DNAJC6: variants seen among roughly 807,000 people sequenced by gnomAD.
DNAJC6 encodes DnaJ heat shock protein family (Hsp40) member C6, also known as auxilin.
Under a neutral mutation model 110.0 loss-of-function variants are expected in DNAJC6, and 34 were observed. The ratio of observed to expected loss-of-function variants is 0.31; its 90% confidence interval spans 0.24 to 0.41. DNAJC6 has a LOEUF of 0.41. Ranked by LOEUF, DNAJC6 falls within the 10% of genes least tolerant of loss-of-function variation. The probability of loss-of-function intolerance (pLI) is 1.00; values close to 1 mark genes in which losing one functional copy is unlikely to be tolerated. For synonymous variants in DNAJC6, 406 were observed against 437.2 expected (o/e 0.93, Z 0.89); for missense variants, 1,031 against 1,207.8 (o/e 0.85, Z 2.17).
chr1:65,343,751 A>G (rs1187536825), intron 1 of DNAJC6, among the ~76,000 whole-genome samples: 1 of 152,016 alleles, frequency 6.6e-6, no homozygotes, highest in East Asian at 1.9e-4. Context: ...ATAAAAAAAA[A>G]GGAAAAAAAA....
At chr1:65,400,248 T>G (rs921432195) in intron 14 of DNAJC6, among the ~76,000 whole-genome samples, 4 of 152,234 alleles carry the variant, frequency 2.6e-5, no homozygotes, top group Non-Finnish European at 4.4e-5. Context: ...TATGATGTTT[T>G]GAAGTACACA....
chr1:65,275,929 C>T (rs1297959552), intron 1 of DNAJC6, among the ~76,000 whole-genome samples: 2 of 150,502 alleles, frequency 1.3e-5, no homozygotes, highest in African/African-American at 4.9e-5. Flanking sequence ...CAGAGTCTCC[C>T]TCTGTTGCCC....
At chr1:65,386,748 T>A (rs1257168886) in intron 7 of DNAJC6, 64 bp from the exon 8 acceptor site, 2 of 1,356,086 alleles carry the variant, frequency 1.5e-6, no homozygotes, top group African/African-American at 2.9e-5. Flanking sequence ...GAACTATACC[T>A]GTGTCTGTGT....
intron 12 of DNAJC6, among the ~76,000 whole-genome samples, chr1:65,393,264 C>G (rs1645946627): frequency 6.6e-6 from 1 of 152,108 alleles, no homozygotes. Flanking sequence ...CTTACAGAAA[C>G]TCAATAAATA....
At chr1:65,270,949 G>A (rs1204477787) in intron 1 of DNAJC6, among the ~76,000 whole-genome samples, 1 of 152,142 alleles carries the variant, frequency 6.6e-6, no homozygotes, top group Non-Finnish European at 1.5e-5. Flanking sequence ...AAAGTGCTGG[G>A]ATTACAGGTG....
At position 65,388,389 on chromosome 1, in the gene DNAJC6, G is replaced by A; in HGVS notation, c.1167G>A (p.Leu389=). ...QLQFHTGFIP[L]DTTVLKFTKP... ...AGTTTCACACTGGATTCATACCACTGGACACAACAGTTTTAAAGTTCACCA... is the reference window on the plus strand; with the variant it reads ...AGTTTCACACTGGATTCATACCACTAGACACAACAGTTTTAAAGTTCACCA... The change falls in exon 9 of 19, where the codon CTG becomes CTA. Residue 389 remains leucine (L), a synonymous_variant. Transcript: ENST00000371069. 6.2e-7 allele frequency: 1 copy of A among 1,614,004 alleles called. No individual in the cohort carries two copies.
At chr1:65,273,548 A>G (rs899055512) in intron 1 of DNAJC6, among the ~76,000 whole-genome samples, 6 of 151,624 alleles carry the variant, frequency 4.0e-5, no homozygotes, top group African/African-American at 1.5e-4. Flanking sequence ...GTGAGCCGAG[A>G]TCACACCACT....
intron 1 of DNAJC6, among the ~76,000 whole-genome samples, chr1:65,315,703 G>A (rs1570268095): frequency 6.6e-6 from 1 of 152,252 alleles, no homozygotes; most frequent in East Asian, 1.9e-4. Context: ...AATCCTATAA[G>A]GTAAATGATA....
chr1:65,407,995 A>G (rs948820900), intron 16 of DNAJC6, among the ~76,000 whole-genome samples: 3 of 152,226 alleles, frequency 2.0e-5, no homozygotes, highest in African/African-American at 7.2e-5. Flanking sequence ...AAACAAGTCC[A>G]TAAGGTGAGT....
Position 65,380,911 on chromosome 1 carries a change from G to GTTTTTTTTTTTTTTT in DNAJC6, c.666+1391_666+1392insTTTTTTTTTTTTTTT, listed in dbSNP as rs1312055301. On this transcript the variant is annotated intron_variant, in intron 5 of 18. Coordinates refer to ENST00000371069, the MANE Select transcript of DNAJC6 (RefSeq NM_001256864.2). ...GGGAGTTTTTTTTTTTTTGTTTTTT[G>GTTTTTTTTTTTTTTT]TTTTGTTTTGTTTTTTTTTTTTTTT... 4.4e-4 allele frequency among the ~76,000 whole-genome samples: 51 copies of GTTTTTTTTTTTTTTT among 114,894 alleles called. 5 individuals are homozygous for GTTTTTTTTTTTTTTT. The highest frequency in any genetic ancestry group is 4.9e-3 in the Middle Eastern group (1 of 204). The allele number at this position is 114,894 out of a possible 152,430, so 75.4% of individuals were successfully genotyped here.
chr1:65,415,556 G>T lies in DNAJC6; in HGVS notation c.*2531G>T, dbSNP rs970181101. 3 of 151,702 alleles carry T rather than the reference G, an allele frequency of 2.0e-5. No homozygotes were observed. Among genetic ancestry groups the T allele is most frequent in the African/African-American group, 7.3e-5 (3 of 41,258 alleles). The allele number at this position is 151,702 out of a possible 1,614,324, so 9.4% of individuals were successfully genotyped here. ...AAAAAGAATTAGCATAGAAATCCTGGTCTCCTAGCCAAAAAAATCAAAGGA... is the reference window on the plus strand; with the variant it reads ...AAAAAGAATTAGCATAGAAATCCTGTTCTCCTAGCCAAAAAAATCAAAGGA... On this transcript the variant is annotated 3_prime_UTR_variant, in exon 19 of 19. Transcript: ENST00000371069.
intron 1 of DNAJC6, among the ~76,000 whole-genome samples, chr1:65,267,053 C>T (rs564594216): frequency 1.6e-4 from 24 of 152,184 alleles, no homozygotes; most frequent in East Asian, 1.5e-3. Context: ...CATGCCACCA[C>T]GCCCGGTTAA....
At chr1:65,267,143 C>T (rs1468784110) in intron 1 of DNAJC6, among the ~76,000 whole-genome samples, 2 of 152,046 alleles carry the variant, frequency 1.3e-5, no homozygotes, top group African/African-American at 2.4e-5. Flanking sequence ...GTGATCCACC[C>T]GCCTCGGCCT....
chr1:65,303,653 G>A (rs1645011221), intron 1 of DNAJC6, among the ~76,000 whole-genome samples: 1 of 152,050 alleles, frequency 6.6e-6, no homozygotes, highest in South Asian at 2.1e-4. Context: ...CTGCCTCCCA[G>A]GTTCAAGTGA....
rs1312055301 is a variant in DNAJC6, at chr1:65,380,911, G to GTTTTTTTTTTTTTTTTTTTTTTTTTTT, written c.666+1391_666+1392insTTTTTTTTTTTTTTTTTTTTTTTTTTT. Among the ~76,000 whole-genome samples, 21 of 114,898 alleles carry GTTTTTTTTTTTTTTTTTTTTTTTTTTT rather than the reference G, an allele frequency of 1.8e-4. 3 individuals are homozygous for GTTTTTTTTTTTTTTTTTTTTTTTTTTT. Among genetic ancestry groups the GTTTTTTTTTTTTTTTTTTTTTTTTTTT allele is most frequent in the African/African-American group, 8.2e-4 (19 of 23,298 alleles). The allele number at this position is 114,898 out of a possible 152,430, so 75.4% of individuals were successfully genotyped here. ...GGGAGTTTTTTTTTTTTTGTTTTTT[G>GTTTTTTTTTTTTTTTTTTTTTTTTTTT]TTTTGTTTTGTTTTTTTTTTTTTTT... On this transcript the variant is annotated intron_variant, in intron 5 of 18. Coordinates refer to ENST00000371069, the MANE Select transcript of DNAJC6 (RefSeq NM_001256864.2).
At chr1:65,287,517 G>A (rs1239561985) in intron 1 of DNAJC6, among the ~76,000 whole-genome samples, 1 of 152,066 alleles carries the variant, frequency 6.6e-6, no homozygotes, top group Non-Finnish European at 1.5e-5. Context: ...TTGGAGACTA[G>A]GTCCATTTTA....
In DNAJC6 at chr1:65,380,911, G is replaced by GTTTTTTTTTTTTTTTTTTT. The variant is rs1312055301; in HGVS notation, c.666+1391_666+1392insTTTTTTTTTTTTTTTTTTT. ...GGGAGTTTTTTTTTTTTTGTTTTTT[G>GTTTTTTTTTTTTTTTTTTT]TTTTGTTTTGTTTTTTTTTTTTTTT... On this transcript the variant is annotated intron_variant, in intron 5 of 18. Coordinates refer to ENST00000371069, the MANE Select transcript of DNAJC6 (RefSeq NM_001256864.2). Among the ~76,000 whole-genome samples the GTTTTTTTTTTTTTTTTTTT allele has an allele frequency of 1.1e-3, 121 of 114,884 alleles. 24 individuals are homozygous for GTTTTTTTTTTTTTTTTTTT. The highest frequency in any genetic ancestry group is 4.9e-3 in the African/African-American group (114 of 23,284). The allele number at this position is 114,884 out of a possible 152,430, so 75.4% of individuals were successfully genotyped here.
intron 1 of DNAJC6, among the ~76,000 whole-genome samples, chr1:65,331,404 T>C (rs1645287550): frequency 6.6e-6 from 1 of 152,246 alleles, no homozygotes; most frequent in Non-Finnish European, 1.5e-5. Context: ...TATGTTAACA[T>C]GCATTCTCTT....
chr1:65,266,897 A>ATTT (rs543244389), intron 1 of DNAJC6, among the ~76,000 whole-genome samples: 1 of 141,648 alleles, frequency 7.1e-6, no homozygotes, highest in Non-Finnish European at 1.5e-5. Context: ...GGTATTTAGA[A>ATTT]TTTTTTTTTT....
Sources: allele counts gnomAD v4.1 joint callset (sites outside exome capture counted in the v4.1 genomes callset), GRCh38; gene constraint gnomAD v4.1.1; transcripts MANE v1.5; gene names NCBI Gene and HGNC (gene_info 2026-07-23, HGNC 2026-07-21).